ELAPOR2: variants seen among roughly 807,000 people sequenced by gnomAD.
ELAPOR2 encodes endosome/lysosome-associated apoptosis and autophagy regulator family member 2.
ELAPOR2 carries 89 observed loss-of-function variants against 120.7 expected under a neutral mutation model. The observed-to-expected ratio is 0.74, with a 90% CI of 0.62 to 0.88. The LOEUF (loss-of-function observed/expected upper bound fraction) is 0.88. ELAPOR2 is among the 40% of genes least tolerant of loss of function. ELAPOR2 has a pLI of 0.00. For synonymous variants in ELAPOR2, 444 were observed against 444.9 expected, an observed-to-expected ratio of 1.00 and a Z score of 0.03; for missense variants, 1,134 against 1,251.6, an observed-to-expected ratio of 0.91 and a Z score of 1.42.
chr7:86,945,582 A>G (rs988523258), intron 3 of ELAPOR2, among the ~76,000 whole-genome samples: 1 of 152,246 alleles, frequency 6.6e-6, no homozygotes, highest in Non-Finnish European at 1.5e-5. Flanking sequence ...TATTTAAAAC[A>G]TAATACCATT....
intron 12 of ELAPOR2, among the ~76,000 whole-genome samples, chr7:86,916,955 ATTTTTTTTT>A (rs58682563): frequency 4.6e-5 from 4 of 86,700 alleles, no homozygotes; most frequent in Non-Finnish European, 8.6e-5. Context: ...TGGCCAGCTA[ATTTTTTTTT>A]TTTTTTTTTT....
chr7:86,978,447 A>G (rs1792353798), intron 1 of ELAPOR2, among the ~76,000 whole-genome samples: 1 of 152,230 alleles, frequency 6.6e-6, no homozygotes, highest in Admixed American at 6.5e-5. Context: ...GAAAAAATAT[A>G]AGACACACTG....
intron 1 of ELAPOR2, among the ~76,000 whole-genome samples, chr7:86,974,391 A>G (rs1362642672): frequency 6.6e-6 from 1 of 152,164 alleles, no homozygotes; most frequent in African/African-American, 2.4e-5. Flanking sequence ...ATTATTTAAA[A>G]TAGTGAAAAC....
intron 2 of ELAPOR2, among the ~76,000 whole-genome samples, chr7:86,956,718 C>G: frequency 6.6e-6 from 1 of 152,278 alleles, no homozygotes; most frequent in South Asian, 2.1e-4. Context: ...AGCTTCTTGA[C>G]TTCAATGTTT....
At chr7:86,952,568 C>A (rs1227756901) in intron 2 of ELAPOR2, among the ~76,000 whole-genome samples, 5 of 152,176 alleles carry the variant, frequency 3.3e-5, no homozygotes, top group Non-Finnish European at 5.9e-5. Context: ...CAGCAATAAC[C>A]ATTTTAGCAA....
intron 10 of ELAPOR2, among the ~76,000 whole-genome samples, chr7:86,923,344 T>C (rs1789911736): frequency 6.6e-6 from 1 of 151,984 alleles, no homozygotes; most frequent in Admixed American, 6.6e-5. Flanking sequence ...TTACCCTTAT[T>C]TGATCATTCC....
chr7:86,949,126 G>T (rs1240024861), intron 2 of ELAPOR2, among the ~76,000 whole-genome samples: 2 of 152,114 alleles, frequency 1.3e-5, no homozygotes, highest in Non-Finnish European at 2.9e-5. Context: ...GCTGTACAAT[G>T]AACTTCTACA....
At chr7:86,885,397 G>C (rs1226686625) in intron 21 of ELAPOR2, among the ~76,000 whole-genome samples, 1 of 152,154 alleles carries the variant, frequency 6.6e-6, no homozygotes, top group East Asian at 1.9e-4. Context: ...GAAAGCATTG[G>C]AAGTTGGTTG....
intron 18 of ELAPOR2, among the ~76,000 whole-genome samples, chr7:86,903,674 T>C (rs1448568140): frequency 6.6e-6 from 1 of 152,172 alleles, no homozygotes; most frequent in Non-Finnish European, 1.5e-5. Context: ...AGGACAGAAC[T>C]GTGAAGCGTT....
chr7:86,966,100 C>T (rs937720452), intron 1 of ELAPOR2: 4 of 261,926 alleles, frequency 1.5e-5, no homozygotes, highest in African/African-American at 9.2e-5. Flanking sequence ...TATCTTGCTT[C>T]TCTCATAATT....
Position 86,912,319 on chromosome 7 carries a change from G to C in ELAPOR2, c.1996-74C>G, listed in dbSNP as rs566118547. On this transcript the variant is annotated intron_variant, in intron 14 of 21. Transcript: ENST00000450689. ...TGCTACTAAAATGTGTTTGAAAAAAGTTCTAGGTATAAAAACTATTCCAGT... is the reference window on the plus strand; with the variant it reads ...TGCTACTAAAATGTGTTTGAAAAAACTTCTAGGTATAAAAACTATTCCAGT... 2.9e-5 allele frequency: 28 copies of C among 954,430 alleles called. No individual in the cohort carries two copies. The East Asian group carries it at 6.8e-4, about 23-fold the overall frequency. The allele number at this position is 954,430 out of a possible 1,614,324, so 59.1% of individuals were successfully genotyped here. A position where few individuals can be genotyped will look rare whatever the true frequency, so the allele number is the denominator to read the frequency against.
chr7:87,003,696 C>G (rs991249134), intron 1 of ELAPOR2, among the ~76,000 whole-genome samples: 2 of 152,108 alleles, frequency 1.3e-5, no homozygotes, highest in African/African-American at 4.8e-5. Flanking sequence ...CGAGCTAATA[C>G]AACTTGCAAA....
chr7:87,011,502 T>C (rs1793679214), intron 1 of ELAPOR2, among the ~76,000 whole-genome samples: 1 of 152,212 alleles, frequency 6.6e-6, no homozygotes. Flanking sequence ...TGAGTAATAA[T>C]TGCAGATATT....
intron 1 of ELAPOR2, among the ~76,000 whole-genome samples, chr7:86,974,907 GATGGGTGAC>G (rs1792229560): frequency 6.6e-6 from 1 of 152,134 alleles, no homozygotes; most frequent in Admixed American, 6.5e-5. Context: ...CACTTTCCCT[GATGGGTGAC>G]ATTCACCTAG....
At chr7:86,984,346 T>G (rs1562955591) in intron 1 of ELAPOR2, among the ~76,000 whole-genome samples, 1 of 152,214 alleles carries the variant, frequency 6.6e-6, no homozygotes, top group East Asian at 1.9e-4. Flanking sequence ...CTAATAGACA[T>G]CTACAGAATT....
At chr7:86,944,188 T>C (rs1211413746) in intron 4 of ELAPOR2, among the ~76,000 whole-genome samples, 3 of 152,114 alleles carry the variant, frequency 2.0e-5, no homozygotes, top group African/African-American at 7.2e-5. Context: ...AAGAAGTCAA[T>C]CTGAGAACAT....
chr7:87,039,200 G>A (rs1314242449), intron 1 of ELAPOR2, among the ~76,000 whole-genome samples: 3 of 151,660 alleles, frequency 2.0e-5, no homozygotes, highest in Admixed American at 6.6e-5. Context: ...ACAACCTACC[G>A]AGACTAAACC....
chr7:86,979,416 G>C (rs1392937018), intron 1 of ELAPOR2, among the ~76,000 whole-genome samples: 1 of 152,292 alleles, frequency 6.6e-6, no homozygotes, highest in East Asian at 1.9e-4. Context: ...GAAGCTTTTA[G>C]GGGTATTTAT....
intron 1 of ELAPOR2, among the ~76,000 whole-genome samples, chr7:86,999,132 C>T (rs1279612105): frequency 6.6e-6 from 1 of 151,782 alleles, no homozygotes; most frequent in Non-Finnish European, 1.5e-5. Flanking sequence ...TTACAAATTA[C>T]CCAGTCAATA....
Sources: gnomAD v4.1 joint callset for allele counts (sites outside exome capture counted in the v4.1 genomes callset) on GRCh38, gnomAD v4.1.1 for gene constraint, MANE v1.5 for transcripts, NCBI Gene and HGNC (gene_info 2026-07-23, HGNC 2026-07-21) for gene names.